The following EVI5 variants were observed in gnomAD, a reference collection of about 807,000 sequenced individuals.
The protein encoded by EVI5 is ecotropic viral integration site 5 protein homolog.
Under a neutral mutation model 112.0 loss-of-function variants are expected in EVI5, and 73 were observed. The ratio of observed to expected loss-of-function variants is 0.65; its 90% confidence interval spans 0.54 to 0.79. The LOEUF is 0.79. EVI5 is among the 30% of genes least tolerant of loss of function. EVI5 has a pLI of 0.00. For synonymous variants in EVI5, 305 were observed against 319.9 expected (o/e 0.95, Z 0.50); for missense variants, 900 against 968.8 (o/e 0.93, Z 0.94).
intron 19 of EVI5, among the ~76,000 whole-genome samples, chr1:92,558,757 C>T (rs1263471062): frequency 1.3e-5 from 2 of 150,928 alleles, no homozygotes; most frequent in Non-Finnish European, 2.9e-5. Flanking sequence ...GTCCCAGCTA[C>T]TCAGGAAGTT....
chr1:92,777,780 G>C (rs1346855122), intron 1 of EVI5, among the ~76,000 whole-genome samples: 1 of 152,116 alleles, frequency 6.6e-6, no homozygotes, highest in Non-Finnish European at 1.5e-5. Flanking sequence ...GATAAAGAAA[G>C]TTGTGTTATT....
chr1:92,741,387 G>C (rs1678373964), intron 1 of EVI5, among the ~76,000 whole-genome samples: 1 of 152,140 alleles, frequency 6.6e-6, no homozygotes, highest in South Asian at 2.1e-4. Flanking sequence ...GTATCTGAGA[G>C]ATACAGAAAT....
At chr1:92,631,223 A>G (rs1426546899) in intron 14 of EVI5, among the ~76,000 whole-genome samples, 1 of 152,086 alleles carries the variant, frequency 6.6e-6, no homozygotes, top group Non-Finnish European at 1.5e-5. Flanking sequence ...GAAGAAAGTC[A>G]TTGGTAGCTT....
upstream of EVI5, among the ~76,000 whole-genome samples, chr1:92,787,689 A>G (rs1403028943): frequency 6.6e-6 from 1 of 151,918 alleles, no homozygotes; most frequent in South Asian, 2.1e-4. Context: ...GAAGTGAGCC[A>G]TGATCGTGCC....
In EVI5 at chr1:92,590,384, G is replaced by A. The variant is rs139910405; in HGVS notation, c.2070+14923C>T. Among the ~76,000 whole-genome samples the A allele has an allele frequency of 6.3e-3, 965 of 152,236 alleles. 5 individuals are homozygous for A. The highest frequency in any genetic ancestry group is 0.013 in the Admixed American group (192 of 15,292). On this transcript the variant is annotated intron_variant, in intron 18 of 19. Transcript: ENST00000684568. ...GACCTTGAAAAAAGATTGGACAAAT[G>A]GTTAACTAGAATAACCAATGCAGAG...
At position 92,582,974 on chromosome 1, in the gene EVI5, A is replaced by G. The variant is rs1351538020; in HGVS notation, c.2071-19237T>C. On this transcript the variant is annotated intron_variant, in intron 18 of 19. Coordinates refer to ENST00000684568, the MANE Select transcript of EVI5 (RefSeq NM_001350197.2). ...GCATTTAAGTACATATGCATGTAAC[A>G]TATATACATATTAACATGCACATGT... is the stretch of plus-strand genomic sequence containing the variant. 3.5e-4 allele frequency among the ~76,000 whole-genome samples: 54 copies of G among 152,182 alleles called. 1 individual carries two copies. The highest frequency in any genetic ancestry group is 3.5e-3 in the Admixed American group (54 of 15,284).
At chr1:92,686,440 A>G (rs1376344014) in intron 9 of EVI5, among the ~76,000 whole-genome samples, 1 of 152,256 alleles carries the variant, frequency 6.6e-6, no homozygotes, top group Non-Finnish European at 1.5e-5. Context: ...CCAATATCAT[A>G]CTGAATGGGC....
At chr1:92,566,909 CG>C (rs1382819199) in intron 18 of EVI5, among the ~76,000 whole-genome samples, 5 of 148,852 alleles carry the variant, frequency 3.4e-5, no homozygotes, top group African/African-American at 1.2e-4. Flanking sequence ...CAAGTTCAAG[CG>C]ATTCTCGTGC....
intron 19 of EVI5, among the ~76,000 whole-genome samples, chr1:92,551,040 C>CT (rs55898086): frequency 0.014 from 1,108 of 80,630 alleles, 121 homozygotes; most frequent in African/African-American, 0.052. Flanking sequence ...TTCTTTCTTT[C>CT]TTTTTTTTTT....
intron 1 of EVI5, chr1:92,784,177 G>A (rs534596047): frequency 5.5e-6 from 2 of 365,040 alleles, no homozygotes; most frequent in African/African-American, 2.2e-5. Context: ...AAGCCCCAAA[G>A]ACAGACAGAC....
chr1:92,570,518 T>C (rs1670179665), intron 18 of EVI5, among the ~76,000 whole-genome samples: 2 of 152,202 alleles, frequency 1.3e-5, no homozygotes, highest in African/African-American at 4.8e-5. Context: ...CTTGAGGATT[T>C]TGGACATCTC....
chr1:92,731,506 C>A (rs1208407172), intron 2 of EVI5, among the ~76,000 whole-genome samples: 2 of 152,108 alleles, frequency 1.3e-5, no homozygotes, highest in Non-Finnish European at 2.9e-5. Context: ...AGATTTAATG[C>A]AATCCCAACC....
chr1:92,540,865 G>A (rs1233305650), intron 19 of EVI5, among the ~76,000 whole-genome samples: 4 of 152,120 alleles, frequency 2.6e-5, no homozygotes, highest in Admixed American at 2.0e-4. Context: ...CCTGAGGTCA[G>A]GAGTTTGAGT....
chr1:92,634,873 C>G (rs1658396344), intron 14 of EVI5, among the ~76,000 whole-genome samples: 1 of 152,128 alleles, frequency 6.6e-6, no homozygotes, highest in Non-Finnish European at 1.5e-5. Flanking sequence ...GATGTCCTTT[C>G]TGTTTGTTAG....
Position 92,643,368 on chromosome 1 carries a change from A to G in EVI5, c.1393-7032T>C, listed in dbSNP as rs572320547. The stretch of plus-strand genomic sequence containing the variant: ...AATCTGGAGTGCAGTGGCATCATCA[A>G]TGATCACTCAAGTGATCCTCCCACC... On this transcript the variant is annotated intron_variant, in intron 13 of 19. Coordinates refer to ENST00000684568, the MANE Select transcript of EVI5 (RefSeq NM_001350197.2). Among the ~76,000 whole-genome samples, 4 of 149,118 alleles carry G rather than the reference A, an allele frequency of 2.7e-5. No homozygotes were observed. The South Asian group carries it at 6.3e-4, about 24-fold the overall frequency.
At chr1:92,735,610 T>C (rs1238645504) in intron 2 of EVI5, among the ~76,000 whole-genome samples, 1 of 145,134 alleles carries the variant, frequency 6.9e-6, no homozygotes, top group Non-Finnish European at 1.5e-5. Flanking sequence ...TTATGTATTA[T>C]ATATAATTAT....
intron 19 of EVI5, among the ~76,000 whole-genome samples, chr1:92,556,822 T>A (rs1423200439): frequency 6.6e-6 from 1 of 152,166 alleles, no homozygotes; most frequent in African/African-American, 2.4e-5. Context: ...CCTTTTATTT[T>A]TTTTTTAGAG....
intron 1 of EVI5, among the ~76,000 whole-genome samples, chr1:92,782,816 G>A (rs1685036753): frequency 6.6e-6 from 1 of 151,950 alleles, no homozygotes; most frequent in Non-Finnish European, 1.5e-5. Flanking sequence ...TACCTGCGAT[G>A]TTTTTTGTTT....
chr1:92,675,812 C>T (rs1415018959), intron 10 of EVI5, among the ~76,000 whole-genome samples: 4 of 151,614 alleles, frequency 2.6e-5, no homozygotes, highest in East Asian at 1.9e-4. Context: ...AAAAATTAGG[C>T]GGGCTTGGTG....
Sources: allele counts gnomAD v4.1 joint callset (sites outside exome capture counted in the v4.1 genomes callset), GRCh38; gene constraint gnomAD v4.1.1; transcripts MANE v1.5; gene names NCBI Gene and HGNC (gene_info 2026-07-23, HGNC 2026-07-21).